The following AGBL5 variants were observed in gnomAD, a reference collection of about 807,000 sequenced individuals.
AGBL5 encodes the protein cytosolic carboxypeptidase-like protein 5.
AGBL5 carries 51 observed loss-of-function variants against 88.0 expected under a neutral mutation model. That is an observed-to-expected ratio of 0.58 (90% CI 0.46 to 0.73). The LOEUF (loss-of-function observed/expected upper bound fraction) is 0.73. Ranked by LOEUF, AGBL5 falls within the 30% of genes least tolerant of loss-of-function variation. The probability of loss-of-function intolerance (pLI) is 0.00; values close to 1 mark genes in which losing one functional copy is unlikely to be tolerated. For missense variants in AGBL5, 1,031 were observed against 1,162.2 expected, an observed-to-expected ratio of 0.89 and a Z score of 1.64; for synonymous variants, 446 against 438.8, an observed-to-expected ratio of 1.02 and a Z score of -0.21.
chr2:27,052,863 T>C, intron 1 of AGBL5, 50 bp from the exon 2 acceptor site: 2 of 1,155,864 alleles, frequency 1.7e-6, no homozygotes, highest in Non-Finnish European at 2.4e-6. Flanking sequence ...CAGAAAACTC[T>C]TCGATTTGTC....
chr2:27,055,820 G>A lies in AGBL5; in HGVS notation c.1047G>A (p.Glu349=), dbSNP rs748822860. 12 of 1,614,058 alleles carry A rather than the reference G, an allele frequency of 7.4e-6. No individual in the cohort carries two copies. Among genetic ancestry groups the A allele is most frequent in the South Asian group, 4.4e-5 (4 of 91,078 alleles). The change falls in exon 7 of 15, where the codon GAG becomes GAA. Residue 349 remains glutamate (E), a synonymous_variant. Coordinates refer to ENST00000360131, the MANE Select transcript of AGBL5 (RefSeq NM_021831.6). ...GTCTGAACTCCCAGAGTTCCTCTGA[G>A]CACCAGCCCAGTTCCTGTCTCCCTC... ...HSRLNSQSSS[E]HQPSSCLPPD...
intron 11 of AGBL5, 81 bp downstream of exon 11, chr2:27,059,485 C>T: frequency 1.3e-6 from 2 of 1,593,228 alleles, no homozygotes; most frequent in Non-Finnish European, 1.7e-6. Context: ...TGAAGATATA[C>T]TGTTGGCCCA....
At chr2:27,057,903 C>T (rs1668518238) in intron 9 of AGBL5, among the ~76,000 whole-genome samples, 1 of 152,162 alleles carries the variant, frequency 6.6e-6, no homozygotes, top group Admixed American at 6.5e-5. Flanking sequence ...TGGTGAAACC[C>T]CATCTCTACT....
At chr2:27,055,015 T>A in intron 5 of AGBL5, 60 bp from the exon 6 acceptor site, 1 of 1,565,698 alleles carries the variant, frequency 6.4e-7, no homozygotes, top group Non-Finnish European at 8.7e-7. Context: ...ACCCCCCATA[T>A]ACTGTCAAAG....
At chr2:27,067,128 C>CTA (rs1187267757) in intron 11 of AGBL5, among the ~76,000 whole-genome samples, 1 of 151,770 alleles carries the variant, frequency 6.6e-6, no homozygotes, top group Non-Finnish European at 1.5e-5. Context: ...TGGCGGGCAC[C>CTA]TATAGTGCCA....
chr2:27,056,362 T>C, intron 7 of AGBL5: 1 of 615,262 alleles, frequency 1.6e-6, no homozygotes, highest in East Asian at 2.8e-5. Flanking sequence ...AACTGCATTA[T>C]AGTCTGCTAG....
At chr2:27,051,260 T>C (rs1009593454), upstream of AGBL5, among the ~76,000 whole-genome samples, 3 of 152,096 alleles carry the variant, frequency 2.0e-5, no homozygotes, top group Non-Finnish European at 2.9e-5. Flanking sequence ...ATGCGAGAGG[T>C]AGCGGGATCG....
chr2:27,062,239 T>G (rs971638583), intron 11 of AGBL5, among the ~76,000 whole-genome samples: 1 of 151,698 alleles, frequency 6.6e-6, no homozygotes, highest in Admixed American at 6.6e-5. Flanking sequence ...TTATCCTGCT[T>G]CAGCCTCCCA....
rs1553337408 is a variant in AGBL5, at chr2:27,056,723, G to GGTCTT, written c.1466_1467insGTCTT (p.Arg490SerfsTer22). The GGTCTT allele has an allele frequency of 6.2e-7, 1 of 1,613,614 alleles. No homozygotes were observed. Among genetic ancestry groups the GGTCTT allele is most frequent in the Non-Finnish European group, 8.5e-7 (1 of 1,179,754 alleles). ...GAGAAGAATATGTATGCCCGAGACC[G>GGTCTT]TAGAGATGGCCAGTCTAAAGAGGGA... On this transcript the variant is annotated frameshift_variant, in exon 8 of 15. Coordinates refer to ENST00000360131, the MANE Select transcript of AGBL5 (RefSeq NM_021831.6). LOFTEE classifies it high-confidence loss of function.
At chr2:27,060,680 G>A (rs1156825038) in intron 11 of AGBL5, among the ~76,000 whole-genome samples, 1 of 152,154 alleles carries the variant, frequency 6.6e-6, no homozygotes, top group Non-Finnish European at 1.5e-5. Flanking sequence ...GGAGGAGAGG[G>A]CAATGGTCCT....
At chr2:27,054,869 A>G in intron 5 of AGBL5, 62 bp downstream of exon 5, 1 of 1,562,094 alleles carries the variant, frequency 6.4e-7, no homozygotes, top group Non-Finnish European at 8.7e-7. Flanking sequence ...TACTGTTTAT[A>G]GCTAAAGACT....
In AGBL5 at chr2:27,055,855, C is replaced by T; in HGVS notation, c.1082C>T (p.Pro361Leu). The T allele has an allele frequency of 6.2e-7, 1 of 1,614,214 alleles. No individual in the cohort carries two copies. Among genetic ancestry groups the T allele is most frequent in the South Asian group, 1.1e-5 (1 of 91,086 alleles). The change falls in exon 7 of 15, where the codon CCT becomes CTT. Residue 361 changes from proline to leucine, a missense_variant. This residue lies in a region of AGBL5 where 540 missense variants were observed against 678.2 expected (regional missense o/e 0.80). Transcript: ENST00000360131. ...AGTTCCTGTCTCCCTCCTGATGCTC[C>T]TGTTTCTGACCTGGAGAAAGCCAAC... ...QPSSCLPPDAPVSDLEKANNL... is the reference protein window; with the variant it reads ...QPSSCLPPDALVSDLEKANNL...
At chr2:27,059,120 G>C (rs1668579430) in intron 10 of AGBL5, 70 bp from the exon 11 acceptor site, 2 of 1,456,546 alleles carry the variant, frequency 1.4e-6, no homozygotes, top group South Asian at 1.3e-5. Flanking sequence ...TTACTGAGCA[G>C]CAGATCCTAG....
rs372453468 is a variant in AGBL5, at chr2:27,062,219, G to A, written c.2089+2815G>A. On this transcript the variant is annotated intron_variant, in intron 11 of 14. Coordinates refer to ENST00000360131, the MANE Select transcript of AGBL5 (RefSeq NM_021831.6). The stretch of plus-strand genomic sequence containing the variant: ...GCTCACCACAACCTCCTCCTCCCAA[G>A]TTCAAGTGATTATCCTGCTTCAGCC... Among the ~76,000 whole-genome samples, 46 of 147,266 alleles carry A rather than the reference G, an allele frequency of 3.1e-4. No homozygotes were observed. In the East Asian group the frequency reaches 8.7e-3, roughly 28 times the overall value.
In AGBL5 at chr2:27,056,618, A is replaced by G. The variant is rs376368876; in HGVS notation, c.1366-5A>G. The G allele has an allele frequency of 1.3e-6, 2 of 1,590,708 alleles. No individual in the cohort carries two copies. The highest frequency in any genetic ancestry group is 1.7e-6 in the Non-Finnish European group (2 of 1,164,160). On this transcript the variant is annotated splice_polypyrimidine_tract_variant and splice_region_variant and intron_variant, in intron 7 of 14. Transcript: ENST00000360131. ...CTTCTGAGTTGACTTTTCTTCCCCA[A>G]ACAGGTGGAAAACATGCTATATCCA...
intron 11 of AGBL5, among the ~76,000 whole-genome samples, chr2:27,064,618 A>G (rs959614659): frequency 1.2e-4 from 18 of 150,310 alleles, no homozygotes; most frequent in South Asian, 2.1e-4. Context: ...GTCTTAACCT[A>G]TAATTGGTAC....
rs775610790 is a variant in AGBL5 at position 27,053,583 on chromosome 2, C to T, written c.387+10C>T. On this transcript the variant is annotated intron_variant, in intron 3 of 14. Transcript: ENST00000360131. This position sits in a 1 kb window ranked among gnomAD's most constrained non-coding sequence, Gnocchi z 4.9. ...CCGGCCCACCTTTGAGGTAAGTTCTCCATGAGGAGGAAAGAAAGACTTGGG... is the reference window on the plus strand; with the variant it reads ...CCGGCCCACCTTTGAGGTAAGTTCTTCATGAGGAGGAAAGAAAGACTTGGG... 1.3e-6 allele frequency: 2 copies of T among 1,599,588 alleles called. No homozygotes were observed. The highest frequency in any genetic ancestry group is 2.2e-5 in the South Asian group (2 of 88,952).
At position 27,053,646 on chromosome 2, in the gene AGBL5, C is replaced by G; in HGVS notation, c.387+73C>G. 1 of 1,515,234 alleles carries G rather than the reference C, an allele frequency of 6.6e-7. No homozygotes were observed. The highest frequency in any genetic ancestry group is 8.9e-7 in the Non-Finnish European group (1 of 1,129,882). 93.9% of individuals were successfully genotyped at this position (1,515,234 alleles called of 1,614,324 possible). ...AGAGGAAAGTAAAGCGTTTTTTTTT[C>G]CTTGATACAAGTATGAAGCAGGTGG... On this transcript the variant is annotated intron_variant, in intron 3 of 14. Transcript: ENST00000360131. This position sits in a 1 kb window ranked among gnomAD's most constrained non-coding sequence, Gnocchi z 4.9.
chr2:27,061,439 G>A (rs1192258524), intron 11 of AGBL5, among the ~76,000 whole-genome samples: 4 of 152,132 alleles, frequency 2.6e-5, no homozygotes, highest in Non-Finnish European at 5.9e-5. Flanking sequence ...GTTTCACCAC[G>A]TTGGTCAGGC....
Sources: allele counts gnomAD v4.1 joint callset (sites outside exome capture counted in the v4.1 genomes callset), GRCh38; gene constraint gnomAD v4.1.1; regional missense constraint gnomAD v4.1.1; non-coding constraint Gnocchi (gnomAD v3.1); transcripts MANE v1.5; gene names NCBI Gene and HGNC (gene_info 2026-07-23, HGNC 2026-07-21).